The following USP22 variants were observed in gnomAD, a reference collection of about 807,000 sequenced individuals.
The protein encoded by USP22 is ubiquitin specific peptidase 22, also known as ubiquitin carboxyl-terminal hydrolase 22.
A neutral mutation model predicts 68.1 loss-of-function variants in USP22; 22 were observed. The ratio of observed to expected loss-of-function variants is 0.32; its 90% CI spans 0.23 to 0.46. USP22 has a LOEUF of 0.46. USP22 is among the 20% of genes least tolerant of loss of function. USP22 has a pLI of 1.00. For synonymous variants in USP22, 279 were observed against 274.2 expected (o/e 1.02, Z -0.17); for missense variants, 433 against 695.8 (o/e 0.62, Z 4.25).
At chr17:21,041,119 G>A (rs982247509) in intron 1 of USP22, among the ~76,000 whole-genome samples, 3 of 151,624 alleles carry the variant, frequency 2.0e-5, no homozygotes, top group African/African-American at 7.3e-5. Context: ...TCCTGACCTC[G>A]TGATCTGCCC....
At chr17:21,032,953 A>C (rs918280973) in intron 1 of USP22, among the ~76,000 whole-genome samples, 1 of 142,692 alleles carries the variant, frequency 7.0e-6, no homozygotes, top group Non-Finnish European at 1.5e-5. Context: ...AAAAAAAAAA[A>C]GTTGAAAATG....
Position 21,034,683 on chromosome 17 carries a change from G to A in USP22, c.172-6009C>T, listed in dbSNP as rs189454763. On this transcript the variant is annotated intron_variant, in intron 1 of 12. Transcript: ENST00000261497. ...TCTTGCTGATCACATCAACTGTTGC[G>A]GATGTGATCACGGATAAAAGTGAAC... Among the ~76,000 whole-genome samples the A allele has an allele frequency of 7.2e-5, 11 of 152,132 alleles. No homozygotes were observed. The East Asian group carries it at 1.9e-3, about 27-fold the overall frequency.
chr17:21,042,713 G>A lies in USP22; in HGVS notation c.123C>T (p.Ile41=). The change falls in exon 1 of 13, where the codon ATC becomes ATT. Residue 41 remains isoleucine (I), a synonymous_variant. Transcript: ENST00000261497. ...TGCCGCTCCACACGAAGCACTGGTA[G>A]ATGGCCCGCAGGTTCTGCTTCCAGT... ...VDNWKQNLRA[I]YQCFVWSGTA... 6.9e-7 allele frequency: 1 copy of A among 1,448,368 alleles called. No individual in the cohort carries two copies. Among genetic ancestry groups the A allele is most frequent in the Non-Finnish European group, 9.1e-7 (1 of 1,093,250 alleles). The allele number at this position is 1,448,368 out of a possible 1,614,324, so 89.7% of individuals were successfully genotyped here.
chr17:21,028,193 A>G (rs1223333725), intron 2 of USP22, among the ~76,000 whole-genome samples: 1 of 152,064 alleles, frequency 6.6e-6, no homozygotes, highest in East Asian at 1.9e-4. Context: ...GCGACCTCAT[A>G]TTGCATGGAG....
At chr17:21,029,492 G>A (rs1027241940) in intron 1 of USP22, among the ~76,000 whole-genome samples, 1 of 152,136 alleles carries the variant, frequency 6.6e-6, no homozygotes, top group East Asian at 1.9e-4. Context: ...AATAAATATC[G>A]TAAAAAGACA....
chr17:21,041,039 C>G (rs1336686741), intron 1 of USP22, among the ~76,000 whole-genome samples: 3 of 151,996 alleles, frequency 2.0e-5, no homozygotes, highest in African/African-American at 2.4e-5. Flanking sequence ...CGCCCGCCAT[C>G]ACACCCGGCT....
At chr17:21,012,670 CACCCCCACCCCACA>C (rs1914007301) in intron 7 of USP22, among the ~76,000 whole-genome samples, 146 bp downstream of exon 7, 1 of 151,610 alleles carries the variant, frequency 6.6e-6, no homozygotes, top group South Asian at 2.1e-4. Flanking sequence ...CAAGAGGAAG[CACCCCCACCCCACA>C]ACCTTCGCTC....
At chr17:21,007,768 A>G in intron 9 of USP22, 102 bp downstream of exon 9, 1 of 1,429,312 alleles carries the variant, frequency 7.0e-7, no homozygotes, top group Non-Finnish European at 9.7e-7. Context: ...TGCTTGCTGC[A>G]ATTATAAAAA....
intron 1 of USP22, among the ~76,000 whole-genome samples, chr17:21,030,068 G>T (rs1972269315): frequency 6.6e-6 from 1 of 152,056 alleles, no homozygotes; most frequent in Admixed American, 6.6e-5. Flanking sequence ...CGGTATCTAG[G>T]AATTGATTCC....
chr17:21,042,671 C>T lies in USP22; in HGVS notation c.165G>A (p.Lys55=), dbSNP rs748874534. 3.9e-6 allele frequency: 5 copies of T among 1,290,158 alleles called. No homozygotes were observed. The highest frequency in any genetic ancestry group is 3.8e-5 in the Admixed American group (1 of 26,354). 79.9% of individuals were successfully genotyped at this position (1,290,158 alleles called of 1,614,324 possible). A position where few individuals can be genotyped will look rare whatever the true frequency, so the allele number is the denominator to read the frequency against. ...FVWSGTAEAR[K]RKAKSCICHV... ...GGTGGGCTGCCGGGCGCACCTTGCG[C>T]TTGCGGGCCTCAGCCGTGCCGCTCC... Residue 55 remains lysine, a synonymous_variant, in exon 1 of 13, where the codon AAG becomes AAA. Transcript: ENST00000261497.
At chr17:21,023,789 C>T (rs573148629) in intron 2 of USP22, among the ~76,000 whole-genome samples, 3 of 152,132 alleles carry the variant, frequency 2.0e-5, no homozygotes, top group Non-Finnish European at 4.4e-5. Flanking sequence ...GCCAGCTGTG[C>T]ACCTTTCATC....
intron 4 of USP22, among the ~76,000 whole-genome samples, chr17:21,018,525 G>A (rs1404157546): frequency 6.6e-6 from 1 of 151,996 alleles, no homozygotes. Context: ...GACCAGCCTG[G>A]GCAACATGGT....
chr17:21,039,098 C>T (rs1038194153), intron 1 of USP22, among the ~76,000 whole-genome samples: 1 of 151,754 alleles, frequency 6.6e-6, no homozygotes, highest in African/African-American at 2.4e-5. Flanking sequence ...ATTACAGGCG[C>T]GTGCCACCAT....
In USP22 at chr17:21,004,291, G is replaced by A. The variant is rs368485182; in HGVS notation, c.1446C>T (p.Ser482=). ...ACTGGTCTTTGTGCTGCCGGATAAAGCTGGTGTAGTGGCCACTCTCCAAGG... is the reference window on the plus strand; with the variant it reads ...ACTGGTCTTTGTGCTGCCGGATAAAACTGGTGTAGTGGCCACTCTCCAAGG... ...QGTLESGHYT[S]FIRQHKDQWF... Residue 482 remains serine, a synonymous_variant, in exon 12 of 13, where the codon AGC becomes AGT. Transcript: ENST00000261497. 4 of 1,614,088 alleles carry A rather than the reference G, an allele frequency of 2.5e-6. No homozygotes were observed. The African/African-American group carries it at 4.0e-5, about 16-fold the overall frequency.
chr17:21,037,582 C>T (rs564144945), intron 1 of USP22, among the ~76,000 whole-genome samples: 50 of 152,226 alleles, frequency 3.3e-4, no homozygotes, highest in Admixed American at 1.2e-3. Flanking sequence ...ACTACATGAC[C>T]GGGACTCCTC....
At chr17:21,037,876 C>T (rs1473483900) in intron 1 of USP22, among the ~76,000 whole-genome samples, 1 of 152,170 alleles carries the variant, frequency 6.6e-6, no homozygotes, top group Non-Finnish European at 1.5e-5. Flanking sequence ...TACTCCATTT[C>T]TGCAAGAAGT....
At chr17:21,027,265 A>G (rs1156947551) in intron 2 of USP22, among the ~76,000 whole-genome samples, 1 of 125,812 alleles carries the variant, frequency 7.9e-6, no homozygotes, top group African/African-American at 2.9e-5. Context: ...TCCAGCCTGG[A>G]CTCCAGACAA....
chr17:21,038,550 C>T (rs1972385230), intron 1 of USP22, among the ~76,000 whole-genome samples: 1 of 151,950 alleles, frequency 6.6e-6, no homozygotes, highest in African/African-American at 2.4e-5. Flanking sequence ...TGCCTGTAGT[C>T]CCAGCTACTT....
intron 1 of USP22, among the ~76,000 whole-genome samples, chr17:21,040,213 C>A (rs1255982601): frequency 1.3e-5 from 2 of 152,150 alleles, no homozygotes; most frequent in Non-Finnish European, 2.9e-5. Flanking sequence ...ATTTAAAAAA[C>A]AAAATGTCCT....
Sources: allele counts gnomAD v4.1 joint callset (sites outside exome capture counted in the v4.1 genomes callset), GRCh38; gene constraint gnomAD v4.1.1; transcripts MANE v1.5; gene names NCBI Gene and HGNC (gene_info 2026-07-23, HGNC 2026-07-21).